CDCA8: variants seen among roughly 807,000 people sequenced by gnomAD.
CDCA8 encodes borealin.
In CDCA8, 25 loss-of-function variants were observed where a neutral mutation model predicts 40.0. The ratio of observed to expected loss-of-function variants is 0.63; its 90% CI spans 0.46 to 0.87. The LOEUF (loss-of-function observed/expected upper bound fraction) is 0.87, where lower values mean the gene tolerates loss of function less well. Ranked by LOEUF, CDCA8 falls within the 40% of genes least tolerant of loss-of-function variation. CDCA8 has a pLI of 0.00. For synonymous variants in CDCA8, 111 were observed against 126.5 expected (o/e 0.88, Z 0.82); for missense variants, 280 against 348.4 (o/e 0.80, Z 1.56).
intron 9 of CDCA8, 57 bp downstream of exon 9, chr1:37,707,121 C>T (rs1645607516): frequency 7.8e-7 from 1 of 1,288,670 alleles, no homozygotes; most frequent in African/African-American, 1.5e-5. Flanking sequence ...TCTTGGGCTA[C>T]CTTTATTTAG....
chr1:37,703,120 G>A, intron 6 of CDCA8, 132 bp from the exon 7 acceptor site: 1 of 732,170 alleles, frequency 1.4e-6, no homozygotes, highest in Non-Finnish European at 2.5e-6. Context: ...GTGTTAGAAG[G>A]GTCACGTGAG....
Position 37,696,096 on chromosome 1 carries a change from A to G in CDCA8, c.264+146A>G. The G allele has an allele frequency of 4.2e-6, 3 of 707,554 alleles. No homozygotes were observed. Among genetic ancestry groups the G allele is most frequent in the Non-Finnish European group, 7.4e-6 (3 of 405,858 alleles). The allele number at this position is 707,554 out of a possible 1,614,324, so 43.8% of individuals were successfully genotyped here. On this transcript the variant is annotated intron_variant, in intron 3 of 9. Coordinates refer to ENST00000373055, the MANE Select transcript of CDCA8 (RefSeq NM_001256875.2). The surrounding 1 kb of genome is among the most constrained non-coding windows in gnomAD (Gnocchi z 5.0). ...AACTGAAAAATTAGAGTTGGACCAG[A>G]CACTGTATACATGAGACCCAGATAG...
intron 3 of CDCA8, among the ~76,000 whole-genome samples, chr1:37,698,425 T>G (rs1557516381): frequency 6.6e-6 from 1 of 152,180 alleles, no homozygotes; most frequent in South Asian, 2.1e-4. Flanking sequence ...ATTCACACAG[T>G]GGGATATGAT....
intron 6 of CDCA8, among the ~76,000 whole-genome samples, chr1:37,702,267 G>A (rs1393272603): frequency 6.6e-6 from 1 of 151,456 alleles, no homozygotes; most frequent in African/African-American, 2.4e-5. Context: ...TTGAACCCCC[G>A]ACCTCAGGTG....
chr1:37,701,152 T>C (rs553074973), intron 5 of CDCA8, among the ~76,000 whole-genome samples: 2 of 152,162 alleles, frequency 1.3e-5, no homozygotes, highest in East Asian at 3.9e-4. Context: ...ATTTGAGAGA[T>C]ACACTGCCTC....
chr1:37,699,986 G>A (rs1017659072), intron 4 of CDCA8, among the ~76,000 whole-genome samples: 36 of 151,980 alleles, frequency 2.4e-4, no homozygotes, highest in African/African-American at 8.7e-4. Context: ...TACATGTCCC[G>A]CACTCTGAGA....
At chr1:37,693,690 C>T (rs755244894) in intron 2 of CDCA8, among the ~76,000 whole-genome samples, 1 of 152,068 alleles carries the variant, frequency 6.6e-6, no homozygotes, top group Admixed American at 6.6e-5. Flanking sequence ...TCAGCCACTG[C>T]GCCCGGCCAG....
chr1:37,705,628 C>T (rs1005290557), intron 8 of CDCA8, 61 bp downstream of exon 8: 3 of 1,587,970 alleles, frequency 1.9e-6, no homozygotes, highest in Admixed American at 3.4e-5. Context: ...ATTTCTTTTC[C>T]CTGGGCCCTC....
At chr1:37,695,194 A>G (rs543438254) in intron 2 of CDCA8, among the ~76,000 whole-genome samples, 2 of 151,998 alleles carry the variant, frequency 1.3e-5, no homozygotes, top group South Asian at 4.2e-4. Context: ...TTAAGCTTTA[A>G]AAAAAATAAT....
intron 9 of CDCA8, among the ~76,000 whole-genome samples, chr1:37,708,054 G>C (rs914853283): frequency 2.0e-5 from 3 of 152,194 alleles, no homozygotes; most frequent in Non-Finnish European, 4.4e-5. Flanking sequence ...CCAGTGCTGA[G>C]ATCCCACACA....
rs748365559 is a variant in CDCA8, at chr1:37,708,331, G to A, written c.808G>A (p.Ala270Thr). The change falls in exon 10 of 10, where the codon GCC becomes ACC. Residue 270 changes from alanine (A) to threonine (T), a missense_variant. By Grantham distance (58) the Ala-to-Thr change is moderately conservative. Transcript: ENST00000373055. Reference sequence around the variant, plus strand: ...CTCCTTTTCTTTTTAGAACCGTCTCGCCCAAATCTGCAGCAGCATACGGAC... The same window carrying A: ...CTCCTTTTCTTTTTAGAACCGTCTCACCCAAATCTGCAGCAGCATACGGAC... ...GNIKKLSNRL[A>T]QICSSIRTHK 2.0e-5 allele frequency: 32 copies of A among 1,613,846 alleles called. No individual in the cohort carries two copies. Among genetic ancestry groups the A allele is most frequent in the East Asian group, 1.3e-4 (6 of 44,880 alleles).
At chr1:37,706,188 A>G (rs1645600755) in intron 8 of CDCA8, among the ~76,000 whole-genome samples, 1 of 146,100 alleles carries the variant, frequency 6.8e-6, no homozygotes, top group Admixed American at 6.9e-5. Flanking sequence ...GCTCACTGCA[A>G]CCTCTGCCTC....
At chr1:37,704,897 C>A (rs561407062) in intron 7 of CDCA8, among the ~76,000 whole-genome samples, 3 of 152,128 alleles carry the variant, frequency 2.0e-5, no homozygotes, top group African/African-American at 7.2e-5. Flanking sequence ...ATCCACCCCC[C>A]TCGGCCTCCC....
intron 5 of CDCA8, 117 bp downstream of exon 5, chr1:37,700,638 C>T: frequency 1.4e-6 from 1 of 692,240 alleles, no homozygotes; most frequent in Non-Finnish European, 2.6e-6. Context: ...TCCTACTTTA[C>T]ATGGCAATGA....
chr1:37,700,272 A>C (rs1217297722), intron 4 of CDCA8, among the ~76,000 whole-genome samples, 164 bp from the exon 5 acceptor site: 1 of 152,242 alleles, frequency 6.6e-6, no homozygotes, highest in African/African-American at 2.4e-5. Flanking sequence ...CACTCTGGTT[A>C]GTTTCCTTTG....
At chr1:37,697,584 C>T (rs1645536242) in intron 3 of CDCA8, among the ~76,000 whole-genome samples, 1 of 152,140 alleles carries the variant, frequency 6.6e-6, no homozygotes, top group Admixed American at 6.5e-5. Context: ...AGTGAGGCAT[C>T]TTGTTAAGGA....
At chr1:37,705,856 C>T (rs189990412) in intron 8 of CDCA8, among the ~76,000 whole-genome samples, 9 of 141,900 alleles carry the variant, frequency 6.3e-5, no homozygotes, top group Admixed American at 1.5e-4. Context: ...TGTCACCAGG[C>T]GGGAGTGCAG....
rs1420028008 is a variant in CDCA8, at chr1:37,709,587, T to C, written c.*1221T>C. 2 of 152,240 alleles carry C rather than the reference T, an allele frequency of 1.3e-5. No individual in the cohort carries two copies. The highest frequency in any genetic ancestry group is 1.5e-5 in the Non-Finnish European group (1 of 68,040). 9.4% of individuals were successfully genotyped at this position (152,240 alleles called of 1,614,324 possible). ...CAGTCCTGTTCAAGTTGTATTCTTT[T>C]AAGTTCTTTTATTCTCCTTTCCCTG... On this transcript the variant is annotated 3_prime_UTR_variant, in exon 10 of 10. Transcript: ENST00000373055.
Position 37,701,812 on chromosome 1 carries a change from G to C in CDCA8, c.482G>C (p.Gly161Ala), listed in dbSNP as rs767470650. 1.9e-6 allele frequency: 3 copies of C among 1,612,548 alleles called. No homozygotes were observed. Among genetic ancestry groups the C allele is most frequent in the Non-Finnish European group, 2.5e-6 (3 of 1,178,710 alleles). Residue 161 changes from glycine to alanine, a missense_variant, in exon 6 of 10, where the codon GGG (glycine) becomes GCG (alanine). Physicochemically the swap from Gly to Ala is moderately conservative, Grantham distance 60 (BLOSUM62 0). Coordinates refer to ENST00000373055, the MANE Select transcript of CDCA8 (RefSeq NM_001256875.2). The part of the protein sequence containing the change: ...RTQSIQGKGK[G>A]KRSSRANTVT... ...CAGTCCATACAAGGAAAAGGAAAAG[G>C]GAAAAGGTAGTGGATTTTCTAAAGT...
Sources: allele counts gnomAD v4.1 joint callset (sites outside exome capture counted in the v4.1 genomes callset), GRCh38; gene constraint gnomAD v4.1.1; non-coding constraint Gnocchi (gnomAD v3.1); transcripts MANE v1.5; gene names NCBI Gene and HGNC (gene_info 2026-07-23, HGNC 2026-07-21).